GFM1: variants seen among roughly 807,000 people sequenced by gnomAD.
GFM1 encodes the protein elongation factor G, mitochondrial.
In GFM1, 62 loss-of-function variants were observed where a neutral mutation model predicts 96.2. The ratio of observed to expected loss-of-function variants is 0.64; its 90% CI spans 0.53 to 0.80. The LOEUF (loss-of-function observed/expected upper bound fraction) is 0.80. Among genes scored for constraint, GFM1 ranks in the 30% least tolerant of loss-of-function variants. The pLI is 0.00. For synonymous variants in GFM1, 282 were observed against 312.9 expected, an observed-to-expected ratio of 0.90 and a Z score of 1.04; for missense variants, 852 against 916.6, an observed-to-expected ratio of 0.93 and a Z score of 0.91.
At chr3:158,690,709 G>T in intron 16 of GFM1, 1 of 317,204 alleles carries the variant, frequency 3.2e-6, no homozygotes, top group Non-Finnish European at 5.9e-6. Flanking sequence ...TACCTTTCTT[G>T]ACTTAAATCT....
At chr3:158,688,348 A>G (rs1174522082) in intron 15 of GFM1, among the ~76,000 whole-genome samples, 1 of 152,166 alleles carries the variant, frequency 6.6e-6, no homozygotes, top group African/African-American at 2.4e-5. Context: ...TAAGGGTAAG[A>G]TTCATTTGGA....
chr3:158,669,118 C>T (rs983923526), intron 13 of GFM1: 6 of 1,613,260 alleles, frequency 3.7e-6, no homozygotes, highest in Non-Finnish European at 3.4e-6. Context: ...TCTGGAGATA[C>T]ATTTCCAAAA....
chr3:158,684,480 A>T, intron 14 of GFM1, 44 bp from the exon 15 acceptor site: 1 of 1,609,484 alleles, frequency 6.2e-7, no homozygotes, highest in Non-Finnish European at 8.5e-7. Flanking sequence ...TGTATCTGCA[A>T]GTAAAATCCA....
intron 13 of GFM1, chr3:158,670,914 T>C (rs892955648): frequency 1.2e-5 from 18 of 1,460,732 alleles, no homozygotes; most frequent in East Asian, 7.8e-5. Flanking sequence ...GCCTGGGTGA[T>C]AGAGTGAGAC....
At chr3:158,672,318 C>T in intron 13 of GFM1, 1 of 1,611,404 alleles carries the variant, frequency 6.2e-7, no homozygotes, top group Non-Finnish European at 8.5e-7. Flanking sequence ...ATCCTGAAGC[C>T]TCTGCTGTCC....
chr3:158,690,566 A>G (rs1726226087), intron 16 of GFM1: 2 of 504,534 alleles, frequency 4.0e-6, no homozygotes, highest in Non-Finnish European at 7.1e-6. Context: ...TCTTTCTTGA[A>G]TAAGCACAGA....
chr3:158,644,610 C>T lies in GFM1; in HGVS notation c.-25C>T, dbSNP rs1057520288. 1.3e-6 allele frequency: 2 copies of T among 1,556,568 alleles called. No individual in the cohort carries two copies. The highest frequency in any genetic ancestry group is 1.7e-6 in the Non-Finnish European group (2 of 1,150,206). ...GCTGAACCCACCCGGCGCCACGGGA[C>T]TTTGACGCGTGCTCTGCGCTTGCCA... On this transcript the variant is annotated 5_prime_UTR_variant, in exon 1 of 18. Transcript: ENST00000486715.
chr3:158,653,963 C>T (rs1452224901), intron 7 of GFM1, among the ~76,000 whole-genome samples: 3 of 151,906 alleles, frequency 2.0e-5, no homozygotes, highest in Admixed American at 1.3e-4. Flanking sequence ...CCCAGCTACC[C>T]AGGAGGCTGA....
intron 13 of GFM1, among the ~76,000 whole-genome samples, chr3:158,674,934 A>G (rs1489177874): frequency 1.3e-5 from 2 of 152,236 alleles, no homozygotes; most frequent in Admixed American, 1.3e-4. Context: ...TGCTTTAAAA[A>G]ATGTGTAAAA....
At chr3:158,691,016 T>G (rs1037673482) in intron 16 of GFM1, 123 bp from the exon 17 acceptor site, 2 of 711,592 alleles carry the variant, frequency 2.8e-6, no homozygotes, top group Non-Finnish European at 5.0e-6. Context: ...TTTAATTATT[T>G]TAAACTAAGA....
chr3:158,660,509 A>G, intron 9 of GFM1: 1 of 254,852 alleles, frequency 3.9e-6, no homozygotes, highest in Non-Finnish European at 7.7e-6. Context: ...CGGCCTCCCA[A>G]AGTGCTGTGA....
chr3:158,659,601 A>G (rs928933831), intron 9 of GFM1, among the ~76,000 whole-genome samples: 3 of 152,210 alleles, frequency 2.0e-5, no homozygotes, highest in African/African-American at 7.2e-5. Context: ...TCTGGGAGAT[A>G]AACTTTGACT....
chr3:158,658,990 C>G lies in GFM1; in HGVS notation c.1152C>G (p.Ile384Met), dbSNP rs753785924. ...GAGAGCTAAAGAAGGGTGACACCAT[C>G]TATAACACAAGGACAAGAAAGAAAG... Reference protein sequence around the residue: ...YQGELKKGDTIYNTRTRKKVR... With the variant: ...YQGELKKGDTMYNTRTRKKVR... The change falls in exon 9 of 18, where the codon ATC (isoleucine) becomes ATG (methionine). Residue 384 changes from isoleucine to methionine, a missense_variant. By Grantham distance (10) the Ile-to-Met change is conservative (BLOSUM62 1). Transcript: ENST00000486715. 4 of 1,614,136 alleles carry G rather than the reference C, an allele frequency of 2.5e-6. No homozygotes were observed. The highest frequency in any genetic ancestry group is 1.7e-5 in the Admixed American group (1 of 60,026).
At chr3:158,674,010 A>G (rs549525038) in intron 13 of GFM1, among the ~76,000 whole-genome samples, 31 of 151,476 alleles carry the variant, frequency 2.0e-4, no homozygotes, top group African/African-American at 4.6e-4. Context: ...TCAAATGTCA[A>G]TGAAACTTTT....
At chr3:158,654,205 CTTTT>C (rs551796824) in intron 7 of GFM1, among the ~76,000 whole-genome samples, 10 of 85,974 alleles carry the variant, frequency 1.2e-4, no homozygotes, top group African/African-American at 3.8e-4. Flanking sequence ...CTCTAAAGAC[CTTTT>C]TTTTTTTTTT....
Position 158,647,945 on chromosome 3 carries a change from G to A in GFM1, c.572+998G>A, listed in dbSNP as rs187267977. Among the ~76,000 whole-genome samples the A allele has an allele frequency of 5.9e-5, 9 of 152,158 alleles. No homozygotes were observed. In the East Asian group the frequency reaches 1.7e-3, roughly 29 times the overall value. On this transcript the variant is annotated intron_variant, in intron 4 of 17. Coordinates refer to ENST00000486715, the MANE Select transcript of GFM1 (RefSeq NM_024996.7). ...GACCTTCATGCCTTGTCTTTTCTAT[G>A]GTACTTATTCTTTCTGTCTCCTTCT... is the stretch of plus-strand genomic sequence containing the variant.
rs1576720400 is a variant in GFM1 at position 158,645,641 on chromosome 3, G to C, written c.94G>C (p.Ala32Pro). 6.2e-7 allele frequency: 1 copy of C among 1,612,610 alleles called. No individual in the cohort carries two copies. Among genetic ancestry groups the C allele is most frequent in the Non-Finnish European group, 8.5e-7 (1 of 1,178,708 alleles). The change falls in exon 2 of 18, where the codon GCC becomes CCC. Residue 32 changes from alanine to proline, a missense_variant. Transcript: ENST00000486715. ...GWQRKQVNWK[A>P]CRWSSSGVIP... ...GTATTTTTTTCAGGTTAATTGGAAG[G>C]CCTGCCGATGGTCTTCATCAGGGGT...
intron 14 of GFM1, 125 bp downstream of exon 14, chr3:158,682,282 CTGAT>C: frequency 3.8e-6 from 3 of 787,154 alleles, no homozygotes; most frequent in South Asian, 3.1e-5. Context: ...TCCTGTTTCT[CTGAT>C]TGTTAAGCTT....
intron 1 of GFM1, 29 bp from the exon 2 acceptor site, chr3:158,645,600 A>G (rs933400197): frequency 1.9e-6 from 3 of 1,586,610 alleles, no homozygotes; most frequent in African/African-American, 1.3e-5. Flanking sequence ...TAAAAGGTGC[A>G]TAGAATTGAG....
Sources: gnomAD v4.1 joint callset for allele counts (sites outside exome capture counted in the v4.1 genomes callset) on GRCh38, gnomAD v4.1.1 for gene constraint, MANE v1.5 for transcripts, NCBI Gene and HGNC (gene_info 2026-07-23, HGNC 2026-07-21) for gene names.